Variants in CAMK2D observed in about 807,000 individuals in gnomAD.
CAMK2D encodes calcium/calmodulin-dependent protein kinase type II subunit delta.
In CAMK2D, 37 loss-of-function variants were observed where a neutral mutation model predicts 84.0. The ratio of observed to expected loss-of-function variants is 0.44; its 90% confidence interval spans 0.34 to 0.58. The LOEUF (loss-of-function observed/expected upper bound fraction) is 0.58. Among genes scored for constraint, CAMK2D ranks in the 20% least tolerant of loss-of-function variants. CAMK2D has a pLI of 0.02. For synonymous variants in CAMK2D, 202 were observed against 212.5 expected (o/e 0.95, Z 0.43); for missense variants, 448 against 652.5 (o/e 0.69, Z 3.41).
intron 16 of CAMK2D, among the ~76,000 whole-genome samples, chr4:113,489,292 C>A (rs572578286): frequency 2.5e-5 from 3 of 120,984 alleles, no homozygotes; most frequent in African/African-American, 9.1e-5. Context: ...CTCCCCCCTC[C>A]CCCCACCCCA....
At chr4:113,632,912 G>C (rs972066916) in intron 3 of CAMK2D, among the ~76,000 whole-genome samples, 22 of 152,134 alleles carry the variant, frequency 1.4e-4, no homozygotes, top group African/African-American at 4.8e-4. Flanking sequence ...TATTTCCCTA[G>C]GACTGAGAAA....
intron 4 of CAMK2D, among the ~76,000 whole-genome samples, chr4:113,594,659 G>A (rs2098915609): frequency 6.6e-6 from 1 of 152,172 alleles, no homozygotes. Flanking sequence ...AGGCTCATTA[G>A]TAGACTAGAC....
intron 2 of CAMK2D, among the ~76,000 whole-genome samples, chr4:113,670,304 C>CAAATAAAT (rs142000498): frequency 2.6e-5 from 4 of 151,298 alleles, no homozygotes; most frequent in African/African-American, 7.3e-5. Flanking sequence ...AATAAACAAA[C>CAAATAAAT]AAATAAATAA....
At chr4:113,658,122 T>C (rs2099210478) in intron 3 of CAMK2D, among the ~76,000 whole-genome samples, 1 of 152,188 alleles carries the variant, frequency 6.6e-6, no homozygotes, top group African/African-American at 2.4e-5. Flanking sequence ...CCAATGCATT[T>C]GCAGATGTCC....
intron 2 of CAMK2D, among the ~76,000 whole-genome samples, chr4:113,715,744 CA>C (rs1298749768): frequency 3.3e-5 from 5 of 152,110 alleles, no homozygotes; most frequent in Admixed American, 3.3e-4. Context: ...GATTGTGTAA[CA>C]AAAAGTTTCT....
chr4:113,742,133 G>A (rs1035500745), intron 2 of CAMK2D, among the ~76,000 whole-genome samples: 2 of 152,118 alleles, frequency 1.3e-5, no homozygotes, highest in African/African-American at 4.8e-5. Context: ...CCTACACACA[G>A]CAGTTGCTCA....
chr4:113,567,168 CTTTT>C (rs1317760050), intron 4 of CAMK2D, among the ~76,000 whole-genome samples: 1 of 129,382 alleles, frequency 7.7e-6, no homozygotes, highest in Non-Finnish European at 1.6e-5. Flanking sequence ...TTTTCTTTTC[CTTTT>C]TTTTTTTTTT....
chr4:113,476,389 C>T (rs901849286), intron 16 of CAMK2D, among the ~76,000 whole-genome samples: 4 of 152,094 alleles, frequency 2.6e-5, no homozygotes, highest in Non-Finnish European at 4.4e-5. Context: ...GCAAAAATTA[C>T]GACAACGAGA....
intron 4 of CAMK2D, among the ~76,000 whole-genome samples, chr4:113,583,283 T>A (rs1273606794): frequency 6.6e-6 from 1 of 152,208 alleles, no homozygotes; most frequent in Non-Finnish European, 1.5e-5. Context: ...AAAAGCCTCA[T>A]TTATGAGCAT....
chr4:113,641,866 A>G (rs1227728002), intron 3 of CAMK2D, among the ~76,000 whole-genome samples: 1 of 151,938 alleles, frequency 6.6e-6, no homozygotes, highest in African/African-American at 2.4e-5. Context: ...AAAATTAGCC[A>G]GGCATGGTGG....
chr4:113,715,193 G>C (rs1272157778), intron 2 of CAMK2D, among the ~76,000 whole-genome samples: 1 of 151,860 alleles, frequency 6.6e-6, no homozygotes, highest in African/African-American at 2.4e-5. Flanking sequence ...TTTTTATATT[G>C]ATCTTGATCT....
intron 3 of CAMK2D, among the ~76,000 whole-genome samples, chr4:113,615,022 T>C (rs935296247): frequency 2.0e-5 from 3 of 152,170 alleles, no homozygotes; most frequent in Non-Finnish European, 4.4e-5. Context: ...GTAATAGTCC[T>C]GGTTATTAAT....
At chr4:113,583,853 A>G (rs1184887203) in intron 4 of CAMK2D, among the ~76,000 whole-genome samples, 1 of 152,100 alleles carries the variant, frequency 6.6e-6, no homozygotes, top group East Asian at 1.9e-4. Flanking sequence ...TGTGCATTTT[A>G]TTCCCATTGT....
chr4:113,698,415 T>C (rs563838491), intron 2 of CAMK2D, among the ~76,000 whole-genome samples: 18 of 152,090 alleles, frequency 1.2e-4, no homozygotes, highest in Admixed American at 3.9e-4. Flanking sequence ...GGGATCTCAA[T>C]AGATGTACCT....
At chr4:113,465,397 T>C (rs1221999865) in intron 17 of CAMK2D, 132 bp downstream of exon 17, 3 of 613,736 alleles carry the variant, frequency 4.9e-6, no homozygotes, top group Non-Finnish European at 5.7e-6. Context: ...TAGTCATTTA[T>C]GAAATAAAAC....
At chr4:113,604,160 C>G (rs1195412694) in intron 4 of CAMK2D, among the ~76,000 whole-genome samples, 1 of 152,000 alleles carries the variant, frequency 6.6e-6, no homozygotes, top group East Asian at 1.9e-4. Flanking sequence ...AAGGAACATT[C>G]CTTCTTTGGG....
intron 4 of CAMK2D, among the ~76,000 whole-genome samples, chr4:113,563,728 C>T (rs78586202): frequency 0.035 from 5,360 of 152,292 alleles, 146 homozygotes; most frequent in Non-Finnish European, 0.052. Context: ...TTTAGTTGAT[C>T]ACCTGGAGAC....
Position 113,457,554 on chromosome 4 carries a change from T to C in CAMK2D, c.1316A>G (p.Lys439Arg), listed in dbSNP as rs764377560. 2 of 1,612,282 alleles carry C rather than the reference T, an allele frequency of 1.2e-6. No homozygotes were observed. Among genetic ancestry groups the C allele is most frequent in the African/African-American group, 2.7e-5 (2 of 74,858 alleles). The change falls in exon 19 of 21, where the codon AAA (lysine) becomes AGA (arginine). Residue 439 changes from lysine to arginine, a missense_variant. Lys to Arg is a conservative substitution (Grantham distance 26). Around this residue, in one of 7 missense-constraint regions of CAMK2D, gnomAD observed 219 missense variants for 272.1 expected, o/e 0.80. Transcript: ENST00000511664. ...AATAGTGTGGATTGGTTTATTGCTT[T>C]TGGACAAAGCTGAAAGAGAAAAACA... is the stretch of plus-strand genomic sequence containing the variant. ...HRFYFENALS[K>R]SNKPIHTIIL...
chr4:113,629,713 T>G (rs1284172750), intron 3 of CAMK2D, among the ~76,000 whole-genome samples: 1 of 151,774 alleles, frequency 6.6e-6, no homozygotes, highest in East Asian at 1.9e-4. Context: ...GAAAAAAAAT[T>G]TCATCTCAAG....
Sources: allele counts gnomAD v4.1 joint callset (sites outside exome capture counted in the v4.1 genomes callset), GRCh38; gene constraint gnomAD v4.1.1; regional missense constraint gnomAD v4.1.1; transcripts MANE v1.5; gene names NCBI Gene and HGNC (gene_info 2026-07-23, HGNC 2026-07-21).